Variants in NF2 observed in about 807,000 individuals in gnomAD.
NF2 encodes NF2, moesin-ezrin-radixin like (MERLIN) tumor suppressor, also known as merlin.
NF2 carries 8 observed loss-of-function variants against 83.7 expected under a neutral mutation model. That is an observed-to-expected ratio of 0.10 (90% CI 0.06 to 0.17). NF2 has a LOEUF of 0.17. Among genes scored for constraint, NF2 ranks in the 10% least tolerant of loss-of-function variants. The pLI is 1.00. For synonymous variants in NF2, 266 were observed against 269.6 expected, an observed-to-expected ratio of 0.99 and a Z score of 0.13; for missense variants, 533 against 744.4, an observed-to-expected ratio of 0.72 and a Z score of 3.31.
chr22:29,643,941 C>G (rs1380269785), intron 4 of NF2, among the ~76,000 whole-genome samples: 1 of 132,294 alleles, frequency 7.6e-6, no homozygotes, highest in Non-Finnish European at 1.7e-5. Context: ...ACCTCCCTCC[C>G]GGACGGGGCG....
rs758182356 is a variant in NF2 at position 29,678,249 on chromosome 22, C to T, written c.1500C>T (p.Leu500=). The change falls in exon 14 of 16, where the codon CTC becomes CTT. Residue 500 remains leucine, a synonymous_variant. Transcript: ENST00000338641. ...CTCCTGACATACCAAGCTTCAACCTCATTGGTGACAGCCTGTCTTTCGACT... is the reference window on the plus strand; with the variant it reads ...CTCCTGACATACCAAGCTTCAACCTTATTGGTGACAGCCTGTCTTTCGACT... ...PLPPDIPSFN[L]IGDSLSFDFK... The T allele has an allele frequency of 7.4e-6, 12 of 1,614,048 alleles. No individual in the cohort carries two copies. Among genetic ancestry groups the T allele is most frequent in the Admixed American group, 1.7e-5 (1 of 60,014 alleles).
At chr22:29,682,008 G>A (rs573516723) in intron 15 of NF2, among the ~76,000 whole-genome samples, 32 of 152,244 alleles carry the variant, frequency 2.1e-4, no homozygotes, top group Non-Finnish European at 3.4e-4. Flanking sequence ...AAGTGGCAAG[G>A]ACTATAAAAC....
intron 4 of NF2, among the ~76,000 whole-genome samples, chr22:29,646,855 C>T (rs2065995722): frequency 6.6e-6 from 1 of 152,008 alleles, no homozygotes; most frequent in Admixed American, 6.6e-5. Context: ...ACCAGCCTGA[C>T]CAATGTGGTG....
At chr22:29,637,860 G>A (rs1246739064) in intron 2 of NF2, among the ~76,000 whole-genome samples, 1 of 152,122 alleles carries the variant, frequency 6.6e-6, no homozygotes, top group East Asian at 1.9e-4. Context: ...TGTCAGTGAG[G>A]GTGTCGTAGA....
At chr22:29,670,746 T>A (rs548622261) in intron 10 of NF2, among the ~76,000 whole-genome samples, 1 of 152,262 alleles carries the variant, frequency 6.6e-6, no homozygotes, top group East Asian at 1.9e-4. Flanking sequence ...TTGTTCCCCT[T>A]ATTAAGCTCA....
intron 1 of NF2, among the ~76,000 whole-genome samples, chr22:29,607,459 C>T (rs1436370437): frequency 6.6e-6 from 1 of 152,182 alleles, no homozygotes; most frequent in African/African-American, 2.4e-5. Flanking sequence ...TATCATAGGC[C>T]TTAACACTTT....
intron 2 of NF2, among the ~76,000 whole-genome samples, chr22:29,638,702 A>C (rs2065716729): frequency 6.6e-6 from 1 of 152,156 alleles, no homozygotes; most frequent in South Asian, 2.1e-4. Flanking sequence ...AGGCACCAAG[A>C]AAAAAGAAAT....
At chr22:29,681,200 T>G (rs1422981245) in intron 14 of NF2, among the ~76,000 whole-genome samples, 1 of 152,140 alleles carries the variant, frequency 6.6e-6, no homozygotes, top group Non-Finnish European at 1.5e-5. Flanking sequence ...TCCTACACTG[T>G]TTTATTTAAT....
chr22:29,663,589 T>A (rs1171420707), intron 8 of NF2, among the ~76,000 whole-genome samples: 1 of 152,200 alleles, frequency 6.6e-6, no homozygotes, highest in Non-Finnish European at 1.5e-5. Context: ...AGCTCCAGGG[T>A]TTGACAGCAA....
intron 3 of NF2, among the ~76,000 whole-genome samples, chr22:29,640,882 C>T (rs62227973): frequency 0.066 from 10,074 of 152,142 alleles, 467 homozygotes; most frequent in Middle Eastern, 0.11. Flanking sequence ...GCCTGTAATC[C>T]CAGCAATTTG....
rs1299012538 is a variant in NF2 at position 29,671,907 on chromosome 22, C to T, written c.1081C>T (p.Leu361=). 10 of 1,614,152 alleles carry T rather than the reference C, an allele frequency of 6.2e-6. 1 individual carries two copies. The South Asian group carries it at 1.1e-4, about 18-fold the overall frequency. The change falls in exon 11 of 16, where the codon CTG becomes TTG. Residue 361 remains leucine, a synonymous_variant. Transcript: ENST00000338641. ...RTRDELERRL[L]QMKEEATMAN... is the part of the protein sequence containing the mutation. Reference sequence around the variant, plus strand: ...GAGGGATGAGTTGGAGAGGAGGCTGCTGCAGATGAAAGAAGAAGCAACAAT... The same window carrying T: ...GAGGGATGAGTTGGAGAGGAGGCTGTTGCAGATGAAAGAAGAAGCAACAAT...
At position 29,668,128 on chromosome 22, in the gene NF2, C is replaced by T. The variant is rs2252472; in HGVS notation, c.886-205C>T. On this transcript the variant is annotated intron_variant, in intron 9 of 15. Coordinates refer to ENST00000338641, the MANE Select transcript of NF2 (RefSeq NM_000268.4). ...TTGATTTATGATTTTTACCTCCTGG[C>T]ATATCTGAGGCGCCTTCATTTTGCA... Among the ~76,000 whole-genome samples the T allele has an allele frequency of 0.37, 56,789 of 151,976 alleles. 11,317 individuals carry two copies. Among genetic ancestry groups the T allele is most frequent in the Non-Finnish European group, 0.47 (31,952 of 67,956 alleles).
intron 11 of NF2, 114 bp downstream of exon 11, chr22:29,672,062 T>A: frequency 6.7e-7 from 1 of 1,498,272 alleles, no homozygotes; most frequent in East Asian, 2.3e-5. Context: ...AAATACTTAA[T>A]TTCAGCTTTG....
intron 8 of NF2, 94 bp downstream of exon 8, chr22:29,661,433 T>C (rs935550481): frequency 4.7e-5 from 72 of 1,547,608 alleles, no homozygotes; most frequent in Non-Finnish European, 6.1e-5. Context: ...CTCCTTGTTA[T>C]TCATAGAGTC....
At chr22:29,653,349 CAGG>C (rs2066206363) in intron 4 of NF2, among the ~76,000 whole-genome samples, 1 of 148,892 alleles carries the variant, frequency 6.7e-6, no homozygotes, top group Admixed American at 6.8e-5. Flanking sequence ...GATACTGAGG[CAGG>C]AGAATTGCTT....
intron 1 of NF2, among the ~76,000 whole-genome samples, chr22:29,629,896 A>G (rs910203337): frequency 2.6e-5 from 4 of 152,198 alleles, no homozygotes; most frequent in Non-Finnish European, 4.4e-5. Flanking sequence ...ACATTTCTCC[A>G]TAGGTTCTAA....
rs148776784 is a variant in NF2 at position 29,674,911 on chromosome 22, C to T, written c.1416C>T (p.Leu472=). 224 of 1,573,120 alleles carry T rather than the reference C, an allele frequency of 1.4e-4. No homozygotes were observed. The African/African-American group carries it at 2.7e-3, about 19-fold the overall frequency. The part of the protein sequence containing the change: ...REAERRAKQK[L]LEIATKPTYP... ...CGGAGCGAAGAGCCAAGCAGAAGCT[C>T]CTGGAGATTGCCACCAAGCCCACGT... Residue 472 remains leucine (L), a synonymous_variant, in exon 13 of 16, where the codon CTC becomes CTT. Transcript: ENST00000338641.
intron 15 of NF2, among the ~76,000 whole-genome samples, chr22:29,687,508 G>C (rs1401823482): frequency 6.6e-6 from 1 of 152,198 alleles, no homozygotes; most frequent in East Asian, 1.9e-4. Flanking sequence ...TGCGGGAAAG[G>C]TGTCTCCCAC....
At chr22:29,664,371 CCACACACACACACACACA>C (rs35386801) in intron 8 of NF2, among the ~76,000 whole-genome samples, 7 of 146,358 alleles carry the variant, frequency 4.8e-5, no homozygotes, top group African/African-American at 1.8e-4. Context: ...AAAGCTAATA[CCACACACACACACACACA>C]CACACACACA....
Sources: gnomAD v4.1 joint callset for allele counts (sites outside exome capture counted in the v4.1 genomes callset) on GRCh38, gnomAD v4.1.1 for gene constraint, MANE v1.5 for transcripts, NCBI Gene and HGNC (gene_info 2026-07-23, HGNC 2026-07-21) for gene names.